Variants in VAMP7 observed in about 807,000 individuals in gnomAD.
The protein encoded by VAMP7 is vesicle-associated membrane protein 7.
Under a neutral mutation model 29.6 loss-of-function variants are expected in VAMP7, and 14 were observed. The observed-to-expected ratio is 0.47, with a 90% CI of 0.31 to 0.74. The LOEUF is 0.74. VAMP7 is among the 30% of genes least tolerant of loss of function. VAMP7 has a pLI of 0.05. For synonymous variants in VAMP7, 95 were observed against 88.1 expected, an observed-to-expected ratio of 1.08 and a Z score of -0.44; for missense variants, 223 against 262.4, an observed-to-expected ratio of 0.85 and a Z score of 1.04.
At chrX:155,919,485 G>A (rs2066363134) in intron 5 of VAMP7, among the ~76,000 whole-genome samples, 1 of 152,104 alleles carries the variant, frequency 6.6e-6, no homozygotes, top group Admixed American at 6.6e-5. Flanking sequence ...GTGTTGGTTG[G>A]GCAGGGCACT....
At chrX:155,906,233 T>TA (rs2066144765) in intron 5 of VAMP7, among the ~76,000 whole-genome samples, 1 of 152,174 alleles carries the variant, frequency 6.6e-6, no homozygotes, top group East Asian at 1.9e-4. Flanking sequence ...ACCCCACCCT[T>TA]GATCAAGTTC....
chrX:155,903,011 G>T (rs1413412611), intron 5 of VAMP7, among the ~76,000 whole-genome samples: 5 of 151,556 alleles, frequency 3.3e-5, no homozygotes, highest in African/African-American at 1.2e-4. Context: ...GACTCTTTTC[G>T]GTTGGTAAGC....
chrX:155,910,088 A>T (rs2066215337), intron 5 of VAMP7, among the ~76,000 whole-genome samples: 1 of 151,792 alleles, frequency 6.6e-6, no homozygotes, highest in Non-Finnish European at 1.5e-5. Flanking sequence ...ATCCTCTCAT[A>T]TTCCCTGCTC....
chrX:155,889,702 A>G (rs1393562547), intron 2 of VAMP7, 90 bp downstream of exon 2: 1 of 1,411,218 alleles, frequency 7.1e-7, no homozygotes, highest in Non-Finnish European at 9.4e-7. Flanking sequence ...ACAAGCTTCT[A>G]GGTACATAAT....
intron 6 of VAMP7, among the ~76,000 whole-genome samples, chrX:155,929,524 C>A (rs2066517815): frequency 6.6e-6 from 1 of 152,124 alleles, no homozygotes. Context: ...ATTTTATATA[C>A]CTCACATAGC....
chrX:155,901,857 T>C (rs2066067254), intron 5 of VAMP7, among the ~76,000 whole-genome samples: 1 of 152,182 alleles, frequency 6.6e-6, no homozygotes, highest in Non-Finnish European at 1.5e-5. Flanking sequence ...TGATGCGGGC[T>C]CTTTTTTGGT....
At chrX:155,911,319 T>A (rs1200787902) in intron 5 of VAMP7, among the ~76,000 whole-genome samples, 1 of 152,168 alleles carries the variant, frequency 6.6e-6, no homozygotes, top group Non-Finnish European at 1.5e-5. Flanking sequence ...TGTCTGTTTT[T>A]ATACCAAACC....
chrX:155,889,528 G>T lies in VAMP7; in HGVS notation c.62G>T (p.Cys21Phe). The T allele has an allele frequency of 1.2e-6, 2 of 1,613,930 alleles. No homozygotes were observed. The highest frequency in any genetic ancestry group is 2.2e-5 in the South Asian group (2 of 91,062). ...GTTILAKHAW[C>F]GGNFLEVTEQ... ...ACTATCCTTGCCAAACATGCTTGGTGTGGAGGAAACTTCCTGGAGGTGACA... is the reference window on the plus strand; with the variant it reads ...ACTATCCTTGCCAAACATGCTTGGTTTGGAGGAAACTTCCTGGAGGTGACA... The change falls in exon 2 of 8, where the codon TGT becomes TTT. Residue 21 changes from cysteine (C) to phenylalanine (F), a missense_variant. Coordinates refer to ENST00000286448, the MANE Select transcript of VAMP7 (RefSeq NM_005638.6).
intron 6 of VAMP7, among the ~76,000 whole-genome samples, chrX:155,926,947 T>G (rs2066476482): frequency 6.6e-6 from 1 of 152,150 alleles, no homozygotes; most frequent in African/African-American, 2.4e-5. Context: ...ACACACAACA[T>G]TTATCCGTTA....
intron 5 of VAMP7, among the ~76,000 whole-genome samples, chrX:155,913,457 T>A (rs1383558797): frequency 6.6e-6 from 1 of 152,200 alleles, no homozygotes; most frequent in Non-Finnish European, 1.5e-5. Context: ...CATACCTATG[T>A]CCTGAATGGT....
At chrX:155,885,890 G>A (rs1294041308) in intron 1 of VAMP7, among the ~76,000 whole-genome samples, 5 of 152,118 alleles carry the variant, frequency 3.3e-5, no homozygotes, top group Admixed American at 1.3e-4. Flanking sequence ...GAACTGGTAG[G>A]CGATACATTT....
chrX:155,904,627 CT>C (rs2066121344), intron 5 of VAMP7, among the ~76,000 whole-genome samples: 1 of 151,920 alleles, frequency 6.6e-6, no homozygotes, highest in Non-Finnish European at 1.5e-5. Context: ...AATTAATTCC[CT>C]TTTCTTCTTC....
intron 6 of VAMP7, among the ~76,000 whole-genome samples, chrX:155,921,582 C>T (rs1212486417): frequency 6.6e-6 from 1 of 151,596 alleles, no homozygotes; most frequent in Admixed American, 6.6e-5. Flanking sequence ...TATATTATTC[C>T]ATTATACAAA....
intron 6 of VAMP7, among the ~76,000 whole-genome samples, chrX:155,939,427 G>A (rs751999786): frequency 2.8e-4 from 43 of 152,212 alleles, no homozygotes; most frequent in African/African-American, 9.4e-4. Flanking sequence ...TTCCACTAGC[G>A]GGAAGAACCA....
At chrX:155,892,581 A>G (rs752363411) in intron 2 of VAMP7, among the ~76,000 whole-genome samples, 1 of 152,084 alleles carries the variant, frequency 6.6e-6, no homozygotes, top group African/African-American at 2.4e-5. Flanking sequence ...ATATTTATCT[A>G]CTTAATTTTT....
chrX:155,891,598 T>C (rs1025575246), intron 2 of VAMP7, among the ~76,000 whole-genome samples: 18 of 152,212 alleles, frequency 1.2e-4, no homozygotes, highest in Non-Finnish European at 2.6e-4. Flanking sequence ...ATGAGAAACA[T>C]GTAGAAGTCA....
chrX:155,936,148 G>A (rs1280630778), intron 6 of VAMP7, among the ~76,000 whole-genome samples: 1 of 152,100 alleles, frequency 6.6e-6, no homozygotes, highest in Non-Finnish European at 1.5e-5. Context: ...TGGGGGTCAG[G>A]GACCCACTTG....
chrX:155,911,764 A>G (rs2066240838), intron 5 of VAMP7, among the ~76,000 whole-genome samples: 1 of 152,046 alleles, frequency 6.6e-6, no homozygotes, highest in Non-Finnish European at 1.5e-5. Flanking sequence ...CACCAAGTTG[A>G]TTATTGATGC....
intron 6 of VAMP7, among the ~76,000 whole-genome samples, chrX:155,937,685 T>G (rs761780443): frequency 1.3e-5 from 2 of 152,334 alleles, no homozygotes; most frequent in African/African-American, 4.8e-5. Flanking sequence ...CCTTTTAGTC[T>G]GAAGATTCAA....
Sources: allele counts gnomAD v4.1 joint callset (sites outside exome capture counted in the v4.1 genomes callset), GRCh38; gene constraint gnomAD v4.1.1; transcripts MANE v1.5; gene names NCBI Gene and HGNC (gene_info 2026-07-23, HGNC 2026-07-21).